Variants in PSMD3 observed in about 807,000 individuals in gnomAD.
PSMD3 encodes the protein 26S proteasome non-ATPase regulatory subunit 3.
In PSMD3, 5 loss-of-function variants were observed where a neutral mutation model predicts 62.8. The ratio of observed to expected loss-of-function variants is 0.08; its 90% CI spans 0.04 to 0.17. The LOEUF (loss-of-function observed/expected upper bound fraction) is 0.17, where lower values mean the gene tolerates loss of function less well. Ranked by LOEUF, PSMD3 falls within the 10% of genes least tolerant of loss-of-function variation. The pLI is 1.00. For missense variants in PSMD3, 524 were observed against 713.6 expected, an observed-to-expected ratio of 0.73 and a Z score of 3.03; for synonymous variants, 265 against 283.9, an observed-to-expected ratio of 0.93 and a Z score of 0.67.
At position 39,997,306 on chromosome 17, in the gene PSMD3, TCTC is replaced by T. The variant is rs760779938; in HGVS notation, c.1477-20_1477-18del. The T allele has an allele frequency of 2.2e-5, 35 of 1,613,152 alleles. No individual in the cohort carries two copies. In the Admixed American group the frequency reaches 2.8e-4, roughly 13 times the overall value. The stretch of plus-strand genomic sequence containing the variant: ...CTCACCTGCTTCCTTCCCTCGCTCA[TCTC>T]CTCTCTTTGCTGTGCCCCAGGCCAT... On this transcript the variant is annotated intron_variant, in intron 10 of 11. Transcript: ENST00000264639.
intron 1 of PSMD3, among the ~76,000 whole-genome samples, chr17:39,981,881 C>A (rs1336798000): frequency 1.3e-5 from 2 of 152,122 alleles, no homozygotes; most frequent in African/African-American, 2.4e-5. Flanking sequence ...CCGGTGTCTC[C>A]TATTTCTTTT....
intron 6 of PSMD3, 48 bp from the exon 7 acceptor site, chr17:39,994,906 C>G: frequency 6.5e-7 from 1 of 1,532,766 alleles, no homozygotes; most frequent in Non-Finnish European, 9.0e-7. Context: ...TTTCTTCTTC[C>G]GCCCATGGGG....
chr17:39,990,549 T>C (rs1980631295), intron 6 of PSMD3, among the ~76,000 whole-genome samples: 1 of 152,200 alleles, frequency 6.6e-6, no homozygotes, highest in Admixed American at 6.5e-5. Context: ...CTTCGGCCTC[T>C]GCCTCCCTAA....
Position 39,996,208 on chromosome 17 carries a change from C to G in PSMD3, c.1346C>G (p.Ala449Gly). 6.2e-7 allele frequency: 1 copy of G among 1,614,000 alleles called. No homozygotes were observed. Among genetic ancestry groups the G allele is most frequent in the Non-Finnish European group, 8.5e-7 (1 of 1,180,006 alleles). The change falls in exon 10 of 12, where the codon GCC becomes GGC. Residue 449 changes from alanine to glycine, a missense_variant. Transcript: ENST00000264639. The surrounding 1 kb of genome is among the most constrained non-coding windows in gnomAD (Gnocchi z 5.1). ...GCCATCCGGGATGGTGTCATTGAGGCCAGCATCAACCACGAGAAGGGCTAT... is the reference window on the plus strand; with the variant it reads ...GCCATCCGGGATGGTGTCATTGAGGGCAGCATCAACCACGAGAAGGGCTAT... Reference protein sequence around the residue: ...AKAIRDGVIEASINHEKGYVQ... With the variant: ...AKAIRDGVIEGSINHEKGYVQ...
rs761055299 is a variant in PSMD3 at position 39,996,716 on chromosome 17, A to G, written c.1476+378A>G. The G allele has an allele frequency of 4.2e-6, 2 of 480,832 alleles. No individual in the cohort carries two copies. Among genetic ancestry groups the G allele is most frequent in the African/African-American group, 2.0e-5 (1 of 51,230 alleles). 29.8% of individuals were successfully genotyped at this position (480,832 alleles called of 1,614,324 possible). A position where few individuals can be genotyped will look rare whatever the true frequency, so the allele number is the denominator to read the frequency against. Reference sequence around the variant, plus strand: ...TGCTTCACAGGGTTGGTAAGATTAAAAGAAGTCCCTGTATTGAGGCACTTA... The same window carrying G: ...TGCTTCACAGGGTTGGTAAGATTAAGAGAAGTCCCTGTATTGAGGCACTTA... On this transcript the variant is annotated intron_variant, in intron 10 of 11. Transcript: ENST00000264639. This position sits in a 1 kb window ranked among gnomAD's most constrained non-coding sequence, Gnocchi z 5.1.
At chr17:39,982,824 G>T (rs1366829486) in intron 1 of PSMD3, among the ~76,000 whole-genome samples, 1 of 152,072 alleles carries the variant, frequency 6.6e-6, no homozygotes, top group East Asian at 1.9e-4. Flanking sequence ...CTAGTTTCTT[G>T]CTATCATAAA....
At position 39,995,607 on chromosome 17, in the gene PSMD3, G is replaced by A; in HGVS notation, c.1320+80G>A. On this transcript the variant is annotated intron_variant, in intron 9 of 11. Coordinates refer to ENST00000264639, the MANE Select transcript of PSMD3 (RefSeq NM_002809.4). The surrounding 1 kb of genome is among the most constrained non-coding windows in gnomAD (Gnocchi z 4.1). ...AGGAGGCAGGAGTGGGAGGAGTTTG[G>A]CCAAGGAGGGGAATAGGTAAAGCAA... 1 of 1,375,394 alleles carries A rather than the reference G, an allele frequency of 7.3e-7. No homozygotes were observed. The allele number at this position is 1,375,394 out of a possible 1,614,324, so 85.2% of individuals were successfully genotyped here.
chr17:39,990,937 G>A (rs1026615279), intron 6 of PSMD3, among the ~76,000 whole-genome samples: 2 of 152,122 alleles, frequency 1.3e-5, no homozygotes, highest in Non-Finnish European at 2.9e-5. Flanking sequence ...GGCACTGTAA[G>A]GGATAGGAAG....
At chr17:39,993,580 G>A (rs1259354763) in intron 6 of PSMD3, 1 of 152,334 alleles carries the variant, frequency 6.6e-6, no homozygotes, top group Non-Finnish European at 1.5e-5. Flanking sequence ...TTGGTCGTCT[G>A]TTGAATTGTC....
At position 39,995,711 on chromosome 17, in the gene PSMD3, G is replaced by A. The variant is rs1980766317; in HGVS notation, c.1320+184G>A. The A allele has an allele frequency of 1.6e-6, 1 of 630,432 alleles. No homozygotes were observed. Among genetic ancestry groups the A allele is most frequent in the African/African-American group, 1.8e-5 (1 of 55,038 alleles). 39.1% of individuals were successfully genotyped at this position (630,432 alleles called of 1,614,324 possible). ...CCAGAGAGAGCATGGATGTGCATGTGAGTGTGTGAGTGTAGGTGTGTGCAC... is the reference window on the plus strand; with the variant it reads ...CCAGAGAGAGCATGGATGTGCATGTAAGTGTGTGAGTGTAGGTGTGTGCAC... On this transcript the variant is annotated intron_variant, in intron 9 of 11. Transcript: ENST00000264639. This position sits in a 1 kb window ranked among gnomAD's most constrained non-coding sequence, Gnocchi z 4.1.
At chr17:39,989,698 T>A in intron 4 of PSMD3, 41 bp from the exon 5 acceptor site, 1 of 1,574,930 alleles carries the variant, frequency 6.3e-7, no homozygotes, top group South Asian at 1.1e-5. Context: ...TTCAGAGAGT[T>A]GTGATTTGAA....
At position 39,997,663 on chromosome 17, in the gene PSMD3, A is replaced by G. The variant is rs1215435236; in HGVS notation, c.*82A>G. 2.0e-6 allele frequency: 3 copies of G among 1,467,792 alleles called. No homozygotes were observed. In the East Asian group the frequency reaches 7.0e-5, roughly 34 times the overall value. The allele number at this position is 1,467,792 out of a possible 1,614,324, so 90.9% of individuals were successfully genotyped here. A position where few individuals can be genotyped will look rare whatever the true frequency, so the allele number is the denominator to read the frequency against. ...GTCCCCTGCCCAGGGCACTGTCCCC[A>G]TTTTCCCACACACAGCTCATATGCT... On this transcript the variant is annotated 3_prime_UTR_variant, in exon 12 of 12. Coordinates refer to ENST00000264639, the MANE Select transcript of PSMD3 (RefSeq NM_002809.4).
Position 39,995,392 on chromosome 17 carries a change from T to C in PSMD3, c.1217-32T>C. 6.2e-7 allele frequency: 1 copy of C among 1,612,062 alleles called. No individual in the cohort carries two copies. Among genetic ancestry groups the C allele is most frequent in the Non-Finnish European group, 8.5e-7 (1 of 1,178,198 alleles). ...GGGCAAGTGAAGGGTCTGTGTCCACTCTGCCCACCCCATCGCTCCTTCCTC... is the reference window on the plus strand; with the variant it reads ...GGGCAAGTGAAGGGTCTGTGTCCACCCTGCCCACCCCATCGCTCCTTCCTC... On this transcript the variant is annotated intron_variant, in intron 8 of 11. Coordinates refer to ENST00000264639, the MANE Select transcript of PSMD3 (RefSeq NM_002809.4). The surrounding 1 kb of genome is among the most constrained non-coding windows in gnomAD (Gnocchi z 4.1).
chr17:39,984,674 A>C (rs2305482), intron 2 of PSMD3, among the ~76,000 whole-genome samples, 190 bp downstream of exon 2: 85,757 of 151,964 alleles, frequency 0.56, 24,472 homozygotes, highest in Middle Eastern at 0.74. Flanking sequence ...GTCATTCTTC[A>C]AAGTCAGGGG....
chr17:39,996,393 A>G lies in PSMD3; in HGVS notation c.1476+55A>G. The G allele has an allele frequency of 1.3e-6, 2 of 1,577,916 alleles. No homozygotes were observed. Among genetic ancestry groups the G allele is most frequent in the Non-Finnish European group, 1.7e-6 (2 of 1,156,792 alleles). On this transcript the variant is annotated intron_variant, in intron 10 of 11. Transcript: ENST00000264639. The surrounding 1 kb of genome is among the most constrained non-coding windows in gnomAD (Gnocchi z 5.1). ...CTGGCAGCAGCACACCCCTCCCTCC[A>G]CACTCATGGATTCCTCAGAGAAGAC...
Position 39,997,631 on chromosome 17 carries a change from C to A in PSMD3, c.*50C>A. 6.3e-7 allele frequency: 1 copy of A among 1,580,092 alleles called. No individual in the cohort carries two copies. The highest frequency in any genetic ancestry group is 1.1e-5 in the South Asian group (1 of 89,542). ...GGGAATGGGGACAGGCTCTTTCCCC[C>A]TTGGGGGTCCCCTGCCCAGGGCACT... On this transcript the variant is annotated 3_prime_UTR_variant, in exon 12 of 12. Coordinates refer to ENST00000264639, the MANE Select transcript of PSMD3 (RefSeq NM_002809.4).
intron 2 of PSMD3, 36 bp from the exon 3 acceptor site, chr17:39,986,539 C>T: frequency 6.2e-7 from 1 of 1,611,906 alleles, no homozygotes; most frequent in Non-Finnish European, 8.5e-7. Flanking sequence ...CTTGATCAGA[C>T]TGAGCTTTTC....
Position 39,995,919 on chromosome 17 carries a change from G to A in PSMD3, c.1321-264G>A. The A allele has an allele frequency of 2.0e-6, 1 of 495,150 alleles. No individual in the cohort carries two copies. The allele number at this position is 495,150 out of a possible 1,614,324, so 30.7% of individuals were successfully genotyped here. The stretch of plus-strand genomic sequence containing the variant: ...AGATCACCTGAGGTCAGGAGTTTGA[G>A]ACAAGCCTGGCCAACTTGGCGAAAC... On this transcript the variant is annotated intron_variant, in intron 9 of 11. Coordinates refer to ENST00000264639, the MANE Select transcript of PSMD3 (RefSeq NM_002809.4). The surrounding 1 kb of genome is among the most constrained non-coding windows in gnomAD (Gnocchi z 4.1).
chr17:39,995,210 G>A lies in PSMD3; in HGVS notation c.1131G>A (p.Gln377=). Residue 377 remains glutamine (Q), a synonymous_variant, in exon 8 of 12, where the codon CAG becomes CAA. Coordinates refer to ENST00000264639, the MANE Select transcript of PSMD3 (RefSeq NM_002809.4). The surrounding 1 kb of genome is among the most constrained non-coding windows in gnomAD (Gnocchi z 4.1). ...VRTGNLAKFN[Q]VLDQFGEKFQ... Reference sequence around the variant, plus strand: ...CAGGAAACCTAGCCAAGTTCAACCAGGTCCTGGATCAGTTTGGGGAGAAGT... The same window carrying A: ...CAGGAAACCTAGCCAAGTTCAACCAAGTCCTGGATCAGTTTGGGGAGAAGT... 6.2e-7 allele frequency: 1 copy of A among 1,614,126 alleles called. No homozygotes were observed. Among genetic ancestry groups the A allele is most frequent in the Non-Finnish European group, 8.5e-7 (1 of 1,180,032 alleles).
Sources: allele counts gnomAD v4.1 joint callset (sites outside exome capture counted in the v4.1 genomes callset), GRCh38; gene constraint gnomAD v4.1.1; non-coding constraint Gnocchi (gnomAD v3.1); transcripts MANE v1.5; gene names NCBI Gene and HGNC (gene_info 2026-07-23, HGNC 2026-07-21).